RBFOX3: variants seen among roughly 807,000 people sequenced by gnomAD.
The protein encoded by RBFOX3 is RNA binding fox-1 homolog 3, also known as RNA binding protein fox-1 homolog 3.
A neutral mutation model predicts 48.7 loss-of-function variants in RBFOX3; 17 were observed. That is an observed-to-expected ratio of 0.35 (90% confidence interval 0.24 to 0.52). The LOEUF (loss-of-function observed/expected upper bound fraction) is 0.52. Among genes scored for constraint, RBFOX3 ranks in the 20% least tolerant of loss-of-function variants. RBFOX3 has a pLI of 0.94. For synonymous variants in RBFOX3, 212 were observed against 209.5 expected (o/e 1.01, Z -0.10); for missense variants, 382 against 497.5 (o/e 0.77, Z 2.21).
intron 14 of RBFOX3, 127 bp from the exon 15 acceptor site, chr17:79,091,012 A>G (rs1392415206): frequency 2.2e-6 from 2 of 905,638 alleles, no homozygotes; most frequent in East Asian, 5.4e-5. Flanking sequence ...CCTGCCCCCC[A>G]GGTTTCCAGG....
At chr17:79,406,728 T>A (rs1345806674) in intron 2 of RBFOX3, among the ~76,000 whole-genome samples, 2 of 152,196 alleles carry the variant, frequency 1.3e-5, no homozygotes, top group African/African-American at 4.8e-5. Context: ...TAAAATTTGC[T>A]TCATAAAATT....
intron 1 of RBFOX3, among the ~76,000 whole-genome samples, chr17:79,583,316 A>C (rs2093138608): frequency 1.3e-5 from 2 of 152,178 alleles, no homozygotes; most frequent in Non-Finnish European, 2.9e-5. Flanking sequence ...TGGTCTCTGC[A>C]ACTGTTTAGT....
At chr17:79,581,235 G>A (rs1429056611) in intron 1 of RBFOX3, among the ~76,000 whole-genome samples, 9 of 152,186 alleles carry the variant, frequency 5.9e-5, no homozygotes, top group African/African-American at 1.2e-4. Flanking sequence ...GCGACAGAGC[G>A]AGACTCCATC....
chr17:79,244,963 C>T (rs1454467886), intron 3 of RBFOX3, among the ~76,000 whole-genome samples: 3 of 145,780 alleles, frequency 2.1e-5, no homozygotes, highest in African/African-American at 7.6e-5. Context: ...TTCTTTCATT[C>T]TCCTTCCCTT....
Position 79,508,007 on chromosome 17 carries a change from T to C in RBFOX3, c.-319-25409A>G, listed in dbSNP as rs372764187. ...AAGACCTGAATGGGGCTTAGGAACA[T>C]GGATGCTGTTGAGGACACAAGTCAG... On this transcript the variant is annotated intron_variant, in intron 1 of 14. Transcript: ENST00000693108. Among the ~76,000 whole-genome samples, 492 of 152,326 alleles carry C rather than the reference T, an allele frequency of 3.2e-3. 14 individuals are homozygous for C. In the South Asian group the frequency reaches 0.056, roughly 17 times the overall value.
rs559886727 is a variant in RBFOX3 at position 79,316,886 on chromosome 17, T to C, written c.-174-9062A>G. Among the ~76,000 whole-genome samples, 63 of 152,374 alleles carry C rather than the reference T, an allele frequency of 4.1e-4. No homozygotes were observed. In the South Asian group the frequency reaches 0.012, roughly 30 times the overall value. On this transcript the variant is annotated intron_variant, in intron 2 of 14. Coordinates refer to ENST00000693108, the MANE Select transcript of RBFOX3 (RefSeq NM_001350451.2). ...TTAACCAGTCACCCTGTGTTTTTAT[T>C]TGGCAGCCCTAGCTTCCAACTGCCT...
intron 3 of RBFOX3, among the ~76,000 whole-genome samples, chr17:79,268,020 G>T (rs753440871): frequency 6.6e-6 from 1 of 152,068 alleles, no homozygotes; most frequent in Non-Finnish European, 1.5e-5. Context: ...AAATGTCCTC[G>T]GTCTCTGCAA....
intron 1 of RBFOX3, among the ~76,000 whole-genome samples, chr17:79,487,404 C>T (rs748288904): frequency 1.3e-5 from 2 of 152,142 alleles, no homozygotes; most frequent in Non-Finnish European, 2.9e-5. Context: ...GGCCGGGTGG[C>T]GGGGAGGCCA....
chr17:79,145,120 G>A (rs1448601816), intron 4 of RBFOX3, among the ~76,000 whole-genome samples: 1 of 152,156 alleles, frequency 6.6e-6, no homozygotes, highest in Non-Finnish European at 1.5e-5. Context: ...GGGAAACTGA[G>A]AAACTGCCCA....
rs538173064 is a variant in RBFOX3, at chr17:79,101,473, C to T, written c.568+111G>A. 8.3e-4 allele frequency: 807 copies of T among 976,704 alleles called. 4 individuals are homozygous for T. The African/African-American group carries it at 0.012, about 14-fold the overall frequency. The allele number at this position is 976,704 out of a possible 1,614,324, so 60.5% of individuals were successfully genotyped here. A position where few individuals can be genotyped will look rare whatever the true frequency, so the allele number is the denominator to read the frequency against. On this transcript the variant is annotated intron_variant, in intron 9 of 14. Coordinates refer to ENST00000693108, the MANE Select transcript of RBFOX3 (RefSeq NM_001350451.2). ...AGCCCCAGGGCTGGGACACTGGGGA[C>T]GGAGGCTGCCTAGGATCCAGGAAGG...
chr17:79,267,732 C>T (rs544292472), intron 3 of RBFOX3, among the ~76,000 whole-genome samples: 3 of 152,252 alleles, frequency 2.0e-5, no homozygotes, highest in Admixed American at 2.0e-4. Context: ...AGCTCATGGC[C>T]TTGTTGTCTG....
chr17:79,393,405 C>A (rs1395653179), intron 2 of RBFOX3, among the ~76,000 whole-genome samples: 1 of 152,210 alleles, frequency 6.6e-6, no homozygotes, highest in South Asian at 2.1e-4. Context: ...CAGGGGAGAC[C>A]CGGCCAGTGA....
intron 4 of RBFOX3, among the ~76,000 whole-genome samples, chr17:79,160,530 C>T (rs2046763852): frequency 6.6e-6 from 1 of 152,312 alleles, no homozygotes. Context: ...ATATCCATCC[C>T]GAGCTCACCC....
chr17:79,175,135 G>A (rs1378801568), intron 4 of RBFOX3, among the ~76,000 whole-genome samples: 1 of 152,210 alleles, frequency 6.6e-6, no homozygotes, highest in East Asian at 1.9e-4. Context: ...CTCCGCCAGG[G>A]CAGCGGTGAC....
At chr17:79,185,205 C>T (rs543920022) in intron 4 of RBFOX3, among the ~76,000 whole-genome samples, 2 of 152,300 alleles carry the variant, frequency 1.3e-5, no homozygotes, top group African/African-American at 4.8e-5. Flanking sequence ...GCCATCTAGC[C>T]GTGTGGTCTG....
At position 79,306,930 on chromosome 17, in the gene RBFOX3, CG is replaced by C. The variant is rs1353356413; in HGVS notation, c.-74+793del. ...CTCCTGGTCTGGGGCCCGACATCCA[CG>C]ACTCTTGGAGAGTCTGGCCCCAGGC... On this transcript the variant is annotated intron_variant, in intron 3 of 14. Transcript: ENST00000693108. Among the ~76,000 whole-genome samples, 39 of 152,358 alleles carry C rather than the reference CG, an allele frequency of 2.6e-4. No homozygotes were observed. The South Asian group carries it at 7.0e-3, about 27-fold the overall frequency.
rs1330630929 is a variant in RBFOX3, at chr17:79,392,423, G to A, written c.-174-84599C>T. Among the ~76,000 whole-genome samples the A allele has an allele frequency of 6.6e-6, 1 of 152,158 alleles. No homozygotes were observed. The highest frequency in any genetic ancestry group is 1.5e-5 in the Non-Finnish European group (1 of 68,036). On this transcript the variant is annotated intron_variant, in intron 2 of 14. Coordinates refer to ENST00000693108, the MANE Select transcript of RBFOX3 (RefSeq NM_001350451.2). This position sits in a 1 kb window ranked among gnomAD's most constrained non-coding sequence, Gnocchi z 5.0. ...ACTCTCACACGGTAGTGAGCGCAGGGCCCGGCCACTCACAGGTGCATGGTA... is the reference window on the plus strand; with the variant it reads ...ACTCTCACACGGTAGTGAGCGCAGGACCCGGCCACTCACAGGTGCATGGTA...
intron 4 of RBFOX3, among the ~76,000 whole-genome samples, chr17:79,184,490 G>T (rs1180754479): frequency 6.6e-6 from 1 of 152,154 alleles, no homozygotes; most frequent in African/African-American, 2.4e-5. Context: ...CAGCTTCAGC[G>T]GCCACACACA....
At chr17:79,419,555 C>T (rs890842629) in intron 2 of RBFOX3, among the ~76,000 whole-genome samples, 5 of 152,246 alleles carry the variant, frequency 3.3e-5, no homozygotes, top group East Asian at 1.9e-4. Flanking sequence ...GGTTCACAAA[C>T]GCCTGCAGCT....
Sources: allele counts gnomAD v4.1 joint callset (sites outside exome capture counted in the v4.1 genomes callset), GRCh38; gene constraint gnomAD v4.1.1; non-coding constraint Gnocchi (gnomAD v3.1); transcripts MANE v1.5; gene names NCBI Gene and HGNC (gene_info 2026-07-23, HGNC 2026-07-21).